CCDC125: variants seen among roughly 807,000 people sequenced by gnomAD.
The protein encoded by CCDC125 is coiled-coil domain containing 125.
In CCDC125, 43 loss-of-function variants were observed where a neutral mutation model predicts 57.4. The observed-to-expected ratio is 0.75, with a 90% CI of 0.59 to 0.97. CCDC125 has a LOEUF of 0.97. CCDC125 is among the 50% of genes least tolerant of loss of function. The probability of loss-of-function intolerance (pLI) is 0.00; values close to 1 mark genes in which losing one functional copy is unlikely to be tolerated. For synonymous variants in CCDC125, 187 were observed against 195.2 expected (o/e 0.96, Z 0.35); for missense variants, 563 against 595.7 (o/e 0.95, Z 0.57).
chr5:69,303,527 G>A (rs1756858713), intron 7 of CCDC125, among the ~76,000 whole-genome samples: 1 of 151,630 alleles, frequency 6.6e-6, no homozygotes, highest in Admixed American at 6.6e-5. Flanking sequence ...ACCATGTCTC[G>A]CTAATTTTTG....
chr5:69,293,318 A>G (rs563755121), intron 9 of CCDC125, among the ~76,000 whole-genome samples: 1 of 152,230 alleles, frequency 6.6e-6, no homozygotes, highest in African/African-American at 2.4e-5. Flanking sequence ...TTCTTAATGA[A>G]TGGCTACTGT....
In CCDC125 at chr5:69,294,836, A is replaced by C; in HGVS notation, c.881T>G (p.Met294Arg). 6.2e-7 allele frequency: 1 copy of C among 1,614,228 alleles called. No homozygotes were observed. Among genetic ancestry groups the C allele is most frequent in the East Asian group, 2.2e-5 (1 of 44,888 alleles). The change falls in exon 9 of 12, where the codon ATG (methionine) becomes AGG (arginine). Residue 294 changes from methionine (M) to arginine (R), a missense_variant. By Grantham distance (91) the Met-to-Arg change is moderately conservative. Coordinates refer to ENST00000396496, the MANE Select transcript of CCDC125 (RefSeq NM_176816.5). The part of the protein sequence containing the change: ...PGGNPCSCAR[M>R]AASTRKLLLQ... ...AAGCAGTTTCCGAGTGGATGCTGCC[A>C]TTCTGGCACAAGAACAGGGGTTCCC... is the stretch of plus-strand genomic sequence containing the variant.
intron 8 of CCDC125, among the ~76,000 whole-genome samples, chr5:69,298,799 A>G (rs1193801202): frequency 1.3e-5 from 2 of 152,100 alleles, no homozygotes; most frequent in Non-Finnish European, 2.9e-5. Context: ...CCTTTTTGCT[A>G]TTATACTAGT....
intron 3 of CCDC125, chr5:69,313,574 C>G (rs1758507641): frequency 2.7e-6 from 2 of 739,258 alleles, no homozygotes; most frequent in African/African-American, 3.4e-5. Flanking sequence ...AAGATAAACA[C>G]CAGGTCCTCC....
intron 6 of CCDC125, among the ~76,000 whole-genome samples, chr5:69,305,513 C>T (rs566740227): frequency 3.9e-5 from 6 of 152,288 alleles, no homozygotes; most frequent in East Asian, 1.9e-4. Flanking sequence ...GCCAGAGGAT[C>T]GTGACCAACT....
chr5:69,303,605 TC>T lies in CCDC125; in HGVS notation c.700+241del, dbSNP rs1756870456. Among the ~76,000 whole-genome samples the T allele has an allele frequency of 2.0e-5, 3 of 152,168 alleles. No individual in the cohort carries two copies. The South Asian group carries it at 6.2e-4, about 32-fold the overall frequency. On this transcript the variant is annotated intron_variant, in intron 7 of 11. Transcript: ENST00000396496. ...GTCTTGAACTCCTGACCTCAGATGA[TC>T]TGCCCACCTTGGCCTCCCAAAGTGC... is the stretch of plus-strand genomic sequence containing the variant.
rs775381933 is a variant in CCDC125, at chr5:69,285,426, G to C, written c.1141C>G (p.Leu381Val). Residue 381 changes from leucine (L) to valine (V), a missense_variant, in exon 11 of 12, where the codon CTG (leucine) becomes GTG (valine). Transcript: ENST00000396496. ...TTTTCTGAAGGGAGCATACCCAACAGTCTCTGCCCGAAGGTCTTCTTACTC... is the reference window on the plus strand; with the variant it reads ...TTTTCTGAAGGGAGCATACCCAACACTCTCTGCCCGAAGGTCTTCTTACTC... ...PRSKKTFGQR[L>V]LGMLPSENSS... 1 of 1,609,590 alleles carries C rather than the reference G, an allele frequency of 6.2e-7. No individual in the cohort carries two copies. Among genetic ancestry groups the C allele is most frequent in the Admixed American group, 1.7e-5 (1 of 58,754 alleles).
At chr5:69,314,506 G>A (rs183847561) in intron 2 of CCDC125, among the ~76,000 whole-genome samples, 1 of 151,950 alleles carries the variant, frequency 6.6e-6, no homozygotes, top group East Asian at 1.9e-4. Context: ...GTAAAAATAG[G>A]AGTGTAAAAC....
intron 3 of CCDC125, chr5:69,313,493 T>C (rs559764463): frequency 2.0e-6 from 2 of 998,486 alleles, no homozygotes; most frequent in African/African-American, 1.6e-5. Flanking sequence ...CCTGTCAGCT[T>C]CTTGTTGATG....
chr5:69,278,469 T>A (rs958947986), downstream of CCDC125, among the ~76,000 whole-genome samples: 4 of 151,978 alleles, frequency 2.6e-5, no homozygotes, highest in African/African-American at 9.6e-5. Flanking sequence ...TGCCTTGACC[T>A]CCCAAAGTGC....
intron 2 of CCDC125, among the ~76,000 whole-genome samples, chr5:69,314,686 C>G (rs1758723861): frequency 1.3e-5 from 2 of 152,040 alleles, no homozygotes; most frequent in Non-Finnish European, 2.9e-5. Context: ...GTGCCGGAGT[C>G]CCAGTTACGT....
In CCDC125 at chr5:69,282,668, A is replaced by G; in HGVS notation, c.*61T>C. The G allele has an allele frequency of 2.1e-6, 3 of 1,404,184 alleles. No homozygotes were observed. Among genetic ancestry groups the G allele is most frequent in the Non-Finnish European group, 2.9e-6 (3 of 1,043,224 alleles). The allele number at this position is 1,404,184 out of a possible 1,614,324, so 87.0% of individuals were successfully genotyped here. A position where few individuals can be genotyped will look rare whatever the true frequency, so the allele number is the denominator to read the frequency against. On this transcript the variant is annotated 3_prime_UTR_variant, in exon 12 of 12. Coordinates refer to ENST00000396496, the MANE Select transcript of CCDC125 (RefSeq NM_176816.5). ...CTCAAGATGCAGCAAAATTTACAAA[A>G]TCATTTTTCAAAGTATCTCGATATA...
intron 3 of CCDC125, 52 bp downstream of exon 3, chr5:69,313,933 G>T: frequency 2.3e-6 from 3 of 1,327,984 alleles, no homozygotes; most frequent in Non-Finnish European, 3.3e-6. Flanking sequence ...CACTGCAGCC[G>T]CTGCTGGGAC....
intron 3 of CCDC125, among the ~76,000 whole-genome samples, chr5:69,312,565 A>T (rs2150527788): frequency 6.6e-6 from 1 of 152,262 alleles, no homozygotes; most frequent in South Asian, 2.1e-4. Context: ...AATGAGGTTA[A>T]ATTAAGTCAG....
chr5:69,311,527 C>A (rs1758144221), intron 3 of CCDC125, among the ~76,000 whole-genome samples: 1 of 152,090 alleles, frequency 6.6e-6, no homozygotes, highest in Non-Finnish European at 1.5e-5. Context: ...TGGTGCATGC[C>A]TGTAATCCTA....
At chr5:69,278,342 G>A (rs565958858), downstream of CCDC125, among the ~76,000 whole-genome samples, 149 of 150,550 alleles carry the variant, frequency 9.9e-4, no homozygotes, top group African/African-American at 3.5e-3. Flanking sequence ...AGTAGCTGGG[G>A]TTACAGGTAT....
intron 10 of CCDC125, among the ~76,000 whole-genome samples, chr5:69,288,081 G>T (rs1753806717): frequency 6.6e-6 from 1 of 152,124 alleles, no homozygotes; most frequent in African/African-American, 2.4e-5. Flanking sequence ...GTAGATAGGG[G>T]TGTTAGGTGA....
intron 10 of CCDC125, 96 bp from the exon 11 acceptor site, chr5:69,285,563 TC>T: frequency 8.4e-7 from 1 of 1,188,168 alleles, no homozygotes; most frequent in Non-Finnish European, 1.2e-6. Context: ...GACAAGTGAG[TC>T]CAGGAGCACA....
At chr5:69,321,012 C>T (rs980811177) in intron 1 of CCDC125, among the ~76,000 whole-genome samples, 8 of 151,962 alleles carry the variant, frequency 5.3e-5, no homozygotes, top group African/African-American at 1.9e-4. Flanking sequence ...TGGTGGTTAC[C>T]AGAGGCTGGG....
Sources: allele counts gnomAD v4.1 joint callset (sites outside exome capture counted in the v4.1 genomes callset), GRCh38; gene constraint gnomAD v4.1.1; transcripts MANE v1.5; gene names NCBI Gene and HGNC (gene_info 2026-07-23, HGNC 2026-07-21).